Variants in CCDC178 observed in about 807,000 individuals in gnomAD.
The protein encoded by CCDC178 is coiled-coil domain containing 178.
A neutral mutation model predicts 117.4 loss-of-function variants in CCDC178; 126 were observed. The observed-to-expected ratio is 1.07, with a 90% CI of 0.93 to 1.24. The LOEUF is 1.24. Ranked by LOEUF, CCDC178 falls within the 50% of genes most tolerant of loss-of-function variation. The pLI is 0.00. For missense variants in CCDC178, 1,030 were observed against 986.9 expected (o/e 1.04, Z -0.59); for synonymous variants, 283 against 313.4 (o/e 0.90, Z 1.02).
intron 2 of CCDC178, among the ~76,000 whole-genome samples, chr18:33,428,827 T>TA (rs371647607): frequency 0.019 from 2,272 of 120,138 alleles, 67 homozygotes; most frequent in African/African-American, 0.062. Context: ...TGAAAAAAAG[T>TA]AAAAAAAAAA....
chr18:33,192,800 C>A (rs999835326), intron 20 of CCDC178, among the ~76,000 whole-genome samples: 5 of 150,850 alleles, frequency 3.3e-5, no homozygotes, highest in African/African-American at 9.8e-5. Context: ...ACTTGGGAGG[C>A]TGAGGCAGGA....
chr18:33,080,837 A>G (rs1244690158), intron 21 of CCDC178, among the ~76,000 whole-genome samples: 2 of 152,196 alleles, frequency 1.3e-5, no homozygotes, highest in Non-Finnish European at 2.9e-5. Context: ...CTGGTTGTAA[A>G]TGTCTAGCAT....
At chr18:33,207,913 A>G (rs974316556) in intron 20 of CCDC178, among the ~76,000 whole-genome samples, 3 of 151,994 alleles carry the variant, frequency 2.0e-5, no homozygotes, top group Admixed American at 6.6e-5. Context: ...ACCCATATCC[A>G]CGCCCCATCC....
intron 20 of CCDC178, among the ~76,000 whole-genome samples, chr18:33,181,082 C>T (rs1394369176): frequency 6.6e-6 from 1 of 151,820 alleles, no homozygotes; most frequent in Admixed American, 6.6e-5. Context: ...AAAAAAAGTA[C>T]AATTGATTGC....
At chr18:33,157,557 T>A (rs2058415941) in intron 20 of CCDC178, among the ~76,000 whole-genome samples, 1 of 152,188 alleles carries the variant, frequency 6.6e-6, no homozygotes, top group Non-Finnish European at 1.5e-5. Flanking sequence ...TTTTCTCTTT[T>A]ATAAAAAACA....
At chr18:33,144,687 A>C (rs958801674) in intron 20 of CCDC178, among the ~76,000 whole-genome samples, 1 of 152,178 alleles carries the variant, frequency 6.6e-6, no homozygotes, top group African/African-American at 2.4e-5. Context: ...GGAGGAAATA[A>C]TTGTAGAAGC....
At chr18:33,274,609 G>A (rs2059926144) in intron 12 of CCDC178, among the ~76,000 whole-genome samples, 1 of 151,872 alleles carries the variant, frequency 6.6e-6, no homozygotes, top group Non-Finnish European at 1.5e-5. Context: ...ACTACATAAA[G>A]GACCCTTGAA....
At chr18:33,219,019 T>C (rs889745893) in intron 18 of CCDC178, among the ~76,000 whole-genome samples, 6 of 152,152 alleles carry the variant, frequency 3.9e-5, no homozygotes, top group African/African-American at 1.2e-4. Flanking sequence ...GGGGATGGCA[T>C]TGAATCTATA....
At chr18:33,043,239 T>TA (rs1389831921) in intron 21 of CCDC178, among the ~76,000 whole-genome samples, 2 of 152,000 alleles carry the variant, frequency 1.3e-5, no homozygotes, top group African/African-American at 4.8e-5. Context: ...TCTATTTCAG[T>TA]AAAAAAACTA....
At chr18:33,402,948 T>C (rs1238133197) in intron 3 of CCDC178, among the ~76,000 whole-genome samples, 1 of 152,214 alleles carries the variant, frequency 6.6e-6, no homozygotes, top group East Asian at 1.9e-4. Flanking sequence ...CCTAGACTTG[T>C]AGATTTTTTT....
chr18:33,336,743 C>T (rs988381670), intron 9 of CCDC178, among the ~76,000 whole-genome samples: 1 of 151,916 alleles, frequency 6.6e-6, no homozygotes, highest in African/African-American at 2.4e-5. Context: ...AGAACATTCA[C>T]CCAGACAGAT....
At position 33,328,137 on chromosome 18, in the gene CCDC178, C is replaced by G. The variant is rs558451182; in HGVS notation, c.880-4504G>C. 1.0e-3 allele frequency: 252 copies of G among 241,502 alleles called. 1 individual carries two copies. Among genetic ancestry groups the G allele is most frequent in the African/African-American group, 8.4e-3 (239 of 28,570 alleles). 15.0% of individuals were successfully genotyped at this position (241,502 alleles called of 1,614,324 possible). A position where few individuals can be genotyped will look rare whatever the true frequency, so the allele number is the denominator to read the frequency against. On this transcript the variant is annotated intron_variant, in intron 10 of 22. Transcript: ENST00000383096. ...TTTTTTTTTGAGACAGAGTCTTGCTCTGTTGCCAGGCTGGAGTGCAGTGGC... is the reference window on the plus strand; with the variant it reads ...TTTTTTTTTGAGACAGAGTCTTGCTGTGTTGCCAGGCTGGAGTGCAGTGGC...
At chr18:33,175,194 A>G (rs981617543) in intron 20 of CCDC178, among the ~76,000 whole-genome samples, 11 of 151,846 alleles carry the variant, frequency 7.2e-5, no homozygotes, top group Admixed American at 1.3e-4. Context: ...GCATTATTGT[A>G]TCCTTCTTTG....
chr18:33,407,206 A>G (rs2063793745), intron 3 of CCDC178, among the ~76,000 whole-genome samples: 1 of 152,160 alleles, frequency 6.6e-6, no homozygotes, highest in Non-Finnish European at 1.5e-5. Flanking sequence ...AATTTCCTAT[A>G]GCCTTAAAAT....
chr18:33,329,232 A>G (rs905317616), intron 10 of CCDC178, among the ~76,000 whole-genome samples: 9 of 152,140 alleles, frequency 5.9e-5, no homozygotes, highest in Non-Finnish European at 1.3e-4. Context: ...ATGCCCTCTG[A>G]TAATAAAGAA....
intron 21 of CCDC178, among the ~76,000 whole-genome samples, chr18:33,029,065 G>T (rs1407503988): frequency 1.3e-5 from 2 of 151,864 alleles, no homozygotes; most frequent in Non-Finnish European, 2.9e-5. Context: ...TGCTCTGCTA[G>T]CTTTTGGAAG....
At chr18:33,401,606 A>G (rs2063710467) in intron 3 of CCDC178, among the ~76,000 whole-genome samples, 1 of 152,124 alleles carries the variant, frequency 6.6e-6, no homozygotes, top group Admixed American at 6.6e-5. Flanking sequence ...AGAATTTAAA[A>G]TTTTTCAAAA....
chr18:33,389,645 A>G lies in CCDC178; in HGVS notation c.119-16T>C, dbSNP rs1737133778. 1.5e-6 allele frequency: 2 copies of G among 1,361,622 alleles called. No homozygotes were observed. The highest frequency in any genetic ancestry group is 3.0e-5 in the African/African-American group (2 of 66,760). The allele number at this position is 1,361,622 out of a possible 1,614,324, so 84.3% of individuals were successfully genotyped here. ...ATGGCATTGCCTTTTAAAAAGAAAAAATACATATTTTAGTGAGTAGTTAAT... is the reference window on the plus strand; with the variant it reads ...ATGGCATTGCCTTTTAAAAAGAAAAGATACATATTTTAGTGAGTAGTTAAT... On this transcript the variant is annotated splice_polypyrimidine_tract_variant and intron_variant, in intron 4 of 22. Coordinates refer to ENST00000383096, the MANE Select transcript of CCDC178 (RefSeq NM_001105528.4).
intron 12 of CCDC178, among the ~76,000 whole-genome samples, chr18:33,281,513 T>C (rs1426986103): frequency 6.6e-6 from 1 of 152,134 alleles, no homozygotes; most frequent in East Asian, 1.9e-4. Context: ...ATCTAAATTA[T>C]ACAATTAAAG....
Sources: allele counts gnomAD v4.1 joint callset (sites outside exome capture counted in the v4.1 genomes callset), GRCh38; gene constraint gnomAD v4.1.1; transcripts MANE v1.5; gene names NCBI Gene and HGNC (gene_info 2026-07-23, HGNC 2026-07-21).